GMEB2: variants seen among roughly 807,000 people sequenced by gnomAD.
GMEB2 encodes the protein glucocorticoid modulatory element binding protein 2.
Under a neutral mutation model 45.7 loss-of-function variants are expected in GMEB2, and 7 were observed. The ratio of observed to expected loss-of-function variants is 0.15; its 90% CI spans 0.09 to 0.29. The LOEUF is 0.29. GMEB2 is among the 10% of genes least tolerant of loss of function. The pLI is 1.00. For synonymous variants in GMEB2, 322 were observed against 323.6 expected (o/e 1.00, Z 0.05); for missense variants, 582 against 739.2 (o/e 0.79, Z 2.47).
intron 4 of GMEB2, among the ~76,000 whole-genome samples, chr20:63,599,420 T>C (rs967733685): frequency 3.3e-5 from 5 of 152,218 alleles, no homozygotes; most frequent in African/African-American, 1.2e-4. Flanking sequence ...CTGCAATGCA[T>C]ATTTAGAACA....
Position 63,592,251 on chromosome 20 carries a change from C to T in GMEB2, c.830-107G>A, listed in dbSNP as rs375189500. 6.6e-6 allele frequency: 7 copies of T among 1,060,580 alleles called. No homozygotes were observed. Among genetic ancestry groups the T allele is most frequent in the African/African-American group, 1.6e-5 (1 of 63,116 alleles). The allele number at this position is 1,060,580 out of a possible 1,614,324, so 65.7% of individuals were successfully genotyped here. A position where few individuals can be genotyped will look rare whatever the true frequency, so the allele number is the denominator to read the frequency against. ...CTTCCTAGAGAGTCACGTGGACGCT[C>T]GGTGAGAGCCTGGGCTCTTCCTAGA... is the stretch of plus-strand genomic sequence containing the variant. On this transcript the variant is annotated intron_variant, in intron 8 of 9. Transcript: ENST00000370077. The surrounding 1 kb of genome is among the most constrained non-coding windows in gnomAD (Gnocchi z 8.2).
At chr20:63,598,092 T>C (rs761083839) in intron 4 of GMEB2, among the ~76,000 whole-genome samples, 88 of 152,232 alleles carry the variant, frequency 5.8e-4, no homozygotes, top group Non-Finnish European at 1.1e-3. Context: ...GCAGAGCTGC[T>C]GTGTGCCTGG....
chr20:63,607,282 T>C (rs7267410), intron 2 of GMEB2, among the ~76,000 whole-genome samples: 863 of 123,654 alleles, frequency 7.0e-3, no homozygotes, highest in African/African-American at 0.012. Flanking sequence ...CATCCATTTC[T>C]AGAAACATGC....
chr20:63,622,983 G>C (rs2089649412), intron 1 of GMEB2, among the ~76,000 whole-genome samples: 1 of 152,158 alleles, frequency 6.6e-6, no homozygotes, highest in African/African-American at 2.4e-5. Flanking sequence ...GGGTAAGAAG[G>C]GGCAGCGCCC....
chr20:63,593,147 T>C lies in GMEB2; in HGVS notation c.620-65A>G, dbSNP rs1263784133. The C allele has an allele frequency of 1.2e-5, 11 of 928,708 alleles. No individual in the cohort carries two copies. In the Admixed American group the frequency reaches 1.9e-4, roughly 16 times the overall value. 57.5% of individuals were successfully genotyped at this position (928,708 alleles called of 1,614,324 possible). On this transcript the variant is annotated intron_variant, in intron 6 of 9. Transcript: ENST00000370077. The surrounding 1 kb of genome is among the most constrained non-coding windows in gnomAD (Gnocchi z 4.7). ...CCACAGTCCCACACCCCACATACCCTGTCCACCCTCCTCACACCACCTTCT... is the reference window on the plus strand; with the variant it reads ...CCACAGTCCCACACCCCACATACCCCGTCCACCCTCCTCACACCACCTTCT...
At chr20:63,596,183 CAGG>C (rs2083199276) in intron 5 of GMEB2, among the ~76,000 whole-genome samples, 1 of 152,230 alleles carries the variant, frequency 6.6e-6, no homozygotes, top group South Asian at 2.1e-4. Flanking sequence ...AAATCACTTC[CAGG>C]AGAACCTTCC....
Position 63,592,810 on chromosome 20 carries a change from T to C in GMEB2, c.692-140A>G. ...GCCTGGCACTGTGCTGGGCTTGCAC[T>C]GCCCAGACACATCCACAGTGCCAAA... is the stretch of plus-strand genomic sequence containing the variant. On this transcript the variant is annotated intron_variant, in intron 7 of 9. Transcript: ENST00000370077. The surrounding 1 kb of genome is among the most constrained non-coding windows in gnomAD (Gnocchi z 8.2). The C allele has an allele frequency of 1.2e-6, 1 of 807,218 alleles. No homozygotes were observed. 50.0% of individuals were successfully genotyped at this position (807,218 alleles called of 1,614,324 possible).
Position 63,592,739 on chromosome 20 carries a change from A to G in GMEB2, c.692-69T>C. On this transcript the variant is annotated intron_variant, in intron 7 of 9. Transcript: ENST00000370077. The surrounding 1 kb of genome is among the most constrained non-coding windows in gnomAD (Gnocchi z 8.2). ...TACACGGGGCAGCCACCACAGCCACAAGGACATCACCATAGCCACGAGGAC... is the reference window on the plus strand; with the variant it reads ...TACACGGGGCAGCCACCACAGCCACGAGGACATCACCATAGCCACGAGGAC... The G allele has an allele frequency of 7.8e-7, 1 of 1,278,940 alleles. No individual in the cohort carries two copies. The highest frequency in any genetic ancestry group is 1.1e-6 in the Non-Finnish European group (1 of 881,414). 79.2% of individuals were successfully genotyped at this position (1,278,940 alleles called of 1,614,324 possible). A position where few individuals can be genotyped will look rare whatever the true frequency, so the allele number is the denominator to read the frequency against.
intron 9 of GMEB2, 137 bp downstream of exon 9, chr20:63,591,885 C>T (rs149462): frequency 0.53 from 358,046 of 670,978 alleles, 100,255 homozygotes; most frequent in Middle Eastern, 0.61. Context: ...CCTCGCACAA[C>T]AGCAGTGCGG....
At chr20:63,599,147 G>GC (rs1254684439) in intron 4 of GMEB2, among the ~76,000 whole-genome samples, 27 of 151,332 alleles carry the variant, frequency 1.8e-4, no homozygotes, top group Non-Finnish European at 3.4e-4. Context: ...AGCTAACGCA[G>GC]CCGCTCCTGA....
chr20:63,613,255 T>C (rs1015192394), intron 2 of GMEB2, among the ~76,000 whole-genome samples: 1 of 152,230 alleles, frequency 6.6e-6, no homozygotes, highest in African/African-American at 2.4e-5. Context: ...CAAATTCTTT[T>C]AACATCCTAG....
In GMEB2 at chr20:63,604,854, G is replaced by A; in HGVS notation, c.132-14C>T. On this transcript the variant is annotated splice_polypyrimidine_tract_variant and intron_variant, in intron 2 of 9. Coordinates refer to ENST00000370077, the MANE Select transcript of GMEB2 (RefSeq NM_012384.5). ...GTCAGGTCGCCCCTGGTGAAGTGAA[G>A]GGAGGAGAGAATAGAATCAGGATCC... is the stretch of plus-strand genomic sequence containing the variant. 6 of 1,481,114 alleles carry A rather than the reference G, an allele frequency of 4.1e-6. No individual in the cohort carries two copies. Among genetic ancestry groups the A allele is most frequent in the Non-Finnish European group, 5.7e-6 (6 of 1,058,246 alleles). The allele number at this position is 1,481,114 out of a possible 1,614,324, so 91.7% of individuals were successfully genotyped here. A position where few individuals can be genotyped will look rare whatever the true frequency, so the allele number is the denominator to read the frequency against.
At chr20:63,600,717 CAAAA>C (rs34633546) in intron 4 of GMEB2, among the ~76,000 whole-genome samples, 1 of 84,634 alleles carries the variant, frequency 1.2e-5, no homozygotes, top group South Asian at 5.7e-4. Flanking sequence ...GACTCCATCT[CAAAA>C]AAAAAAAAAA....
intron 2 of GMEB2, among the ~76,000 whole-genome samples, chr20:63,605,756 A>C (rs2032374825): frequency 6.6e-6 from 1 of 151,972 alleles, no homozygotes; most frequent in African/African-American, 2.4e-5. Flanking sequence ...GGAGTTCGAG[A>C]CCAGCCTGGC....
At chr20:63,626,802 C>T (rs2089678104) in intron 1 of GMEB2, among the ~76,000 whole-genome samples, 154 bp downstream of exon 1, 1 of 146,138 alleles carries the variant, frequency 6.8e-6, no homozygotes, top group African/African-American at 2.5e-5. Context: ...TTGCGCCTGA[C>T]GCCGCCGCCC....
At chr20:63,591,987 G>T in intron 9 of GMEB2, 35 bp downstream of exon 9, 1 of 1,581,466 alleles carries the variant, frequency 6.3e-7, no homozygotes, top group Non-Finnish European at 8.6e-7. Context: ...TCAGCCTACC[G>T]CCCAGGGGAC....
chr20:63,594,018 T>A (rs376765304), intron 6 of GMEB2, among the ~76,000 whole-genome samples: 6 of 152,336 alleles, frequency 3.9e-5, no homozygotes, highest in African/African-American at 1.4e-4. Context: ...GGACTCCTTC[T>A]CCAACACCAC....
intron 2 of GMEB2, among the ~76,000 whole-genome samples, chr20:63,612,787 C>A (rs1347019817): frequency 2.0e-5 from 3 of 152,196 alleles, no homozygotes; most frequent in South Asian, 2.1e-4. Flanking sequence ...CCTCCAGAGA[C>A]CCCTGTGGCC....
intron 4 of GMEB2, 71 bp downstream of exon 4, chr20:63,602,894 G>T: frequency 6.9e-7 from 1 of 1,441,974 alleles, no homozygotes; most frequent in Non-Finnish European, 9.6e-7. Context: ...ACTCAGCACA[G>T]CTGCACCCCC....
Sources: gnomAD v4.1 joint callset for allele counts (sites outside exome capture counted in the v4.1 genomes callset) on GRCh38, gnomAD v4.1.1 for gene constraint, Gnocchi (gnomAD v3.1) non-coding constraint, MANE v1.5 for transcripts, NCBI Gene and HGNC (gene_info 2026-07-23, HGNC 2026-07-21) for gene names.